The following DNER variants were observed in gnomAD, a reference collection of about 807,000 sequenced individuals.
DNER encodes delta/notch like EGF repeat containing.
DNER carries 33 observed loss-of-function variants against 78.2 expected under a neutral mutation model. That is an observed-to-expected ratio of 0.42 (90% CI 0.32 to 0.56). The LOEUF is 0.56. DNER is among the 20% of genes least tolerant of loss of function. The pLI, the probability that DNER is intolerant of heterozygous loss-of-function variation, is 0.11. For synonymous variants in DNER, 417 were observed against 384.8 expected (o/e 1.08, Z -0.98); for missense variants, 918 against 975.3 (o/e 0.94, Z 0.78).
intron 8 of DNER, among the ~76,000 whole-genome samples, chr2:229,443,221 G>A (rs1303450551): frequency 6.6e-6 from 1 of 152,184 alleles, no homozygotes. Flanking sequence ...CACAAGTTTA[G>A]AGTAATAACT....
At chr2:229,400,214 T>C (rs2106341139) in intron 10 of DNER, among the ~76,000 whole-genome samples, 1 of 151,222 alleles carries the variant, frequency 6.6e-6, no homozygotes, top group South Asian at 2.1e-4. Flanking sequence ...CAAACTAGAG[T>C]TGGAGACATC....
At chr2:229,523,132 C>T (rs562563320) in intron 5 of DNER, among the ~76,000 whole-genome samples, 1 of 152,256 alleles carries the variant, frequency 6.6e-6, no homozygotes, top group African/African-American at 2.4e-5. Context: ...GGGGTGACCC[C>T]CTAAGGCCTC....
At chr2:229,588,711 A>G (rs189335389) in intron 2 of DNER, among the ~76,000 whole-genome samples, 11 of 152,320 alleles carry the variant, frequency 7.2e-5, no homozygotes, top group Admixed American at 2.0e-4. Flanking sequence ...GCAATCTACA[A>G]ATTCCTGGGA....
intron 4 of DNER, among the ~76,000 whole-genome samples, chr2:229,567,982 C>T (rs1697143625): frequency 6.6e-6 from 1 of 152,158 alleles, no homozygotes; most frequent in Non-Finnish European, 1.5e-5. Flanking sequence ...TCCAAAATCC[C>T]AATCTGAGTG....
intron 10 of DNER, among the ~76,000 whole-genome samples, chr2:229,399,939 G>T (rs182333393): frequency 3.7e-4 from 57 of 152,066 alleles, no homozygotes; most frequent in Non-Finnish European, 5.5e-4. Context: ...AGGGGTCTGG[G>T]GGGGAGCTGA....
chr2:229,586,886 C>T lies in DNER; in HGVS notation c.681-862G>A, dbSNP rs2154214483. 3.0e-6 allele frequency: 3 copies of T among 985,514 alleles called. No homozygotes were observed. The South Asian group carries it at 1.4e-4, about 46-fold the overall frequency. 61.0% of individuals were successfully genotyped at this position (985,514 alleles called of 1,614,324 possible). On this transcript the variant is annotated intron_variant, in intron 3 of 12. Transcript: ENST00000341772. The stretch of plus-strand genomic sequence containing the variant: ...CAGGGCTCCTGGCGTGCAGCAGGGG[C>T]TCAGTAAAGCTTTGATCAGTGACTA...
intron 8 of DNER, among the ~76,000 whole-genome samples, chr2:229,438,906 G>A (rs1296906460): frequency 4.6e-5 from 7 of 152,146 alleles, no homozygotes; most frequent in Admixed American, 4.6e-4. Flanking sequence ...TACCCTTGGT[G>A]AGTCAAGGCC....
chr2:229,640,789 G>A (rs1226238664), intron 1 of DNER, among the ~76,000 whole-genome samples: 1 of 152,186 alleles, frequency 6.6e-6, no homozygotes. Context: ...TGAATATACA[G>A]CAGCATCAGT....
intron 1 of DNER, among the ~76,000 whole-genome samples, chr2:229,697,609 T>G (rs147157521): frequency 6.6e-6 from 1 of 152,372 alleles, no homozygotes; most frequent in African/African-American, 2.4e-5. Flanking sequence ...AGACTCTTTA[T>G]TAACTGTCTA....
rs113375672 is a variant in DNER at position 229,657,925 on chromosome 2, TA to T, written c.276+56222del. On this transcript the variant is annotated intron_variant, in intron 1 of 12. Transcript: ENST00000341772. ...CAAGGGAATTTCATGATCATTAATT[TA>T]AAAAAAAAACTGGTTCTTCCTTATA... is the stretch of plus-strand genomic sequence containing the variant. Among the ~76,000 whole-genome samples, 778 of 149,934 alleles carry T rather than the reference TA, an allele frequency of 5.2e-3. 7 individuals are homozygous for T. The highest frequency in any genetic ancestry group is 0.018 in the African/African-American group (737 of 41,024).
intron 4 of DNER, among the ~76,000 whole-genome samples, chr2:229,560,733 T>C (rs1001905992): frequency 3.3e-5 from 5 of 152,154 alleles, no homozygotes; most frequent in African/African-American, 1.2e-4. Flanking sequence ...AATTGCTCGA[T>C]GCTGAGAGCA....
chr2:229,648,614 G>A (rs1368720349), intron 1 of DNER, among the ~76,000 whole-genome samples: 1 of 152,044 alleles, frequency 6.6e-6, no homozygotes, highest in Non-Finnish European at 1.5e-5. Flanking sequence ...AAATGACTTC[G>A]ATATTTTAGA....
chr2:229,678,617 A>G (rs75099438), intron 1 of DNER, among the ~76,000 whole-genome samples: 3,434 of 152,232 alleles, frequency 0.023, 116 homozygotes, highest in African/African-American at 0.068. Context: ...CTAGACCAGT[A>G]TTTTTCCACC....
At chr2:229,605,328 G>A (rs924938758) in intron 1 of DNER, among the ~76,000 whole-genome samples, 5 of 152,114 alleles carry the variant, frequency 3.3e-5, no homozygotes, top group Non-Finnish European at 7.4e-5. Context: ...CTGCAGCTCT[G>A]TGGACACTAT....
At position 229,538,688 on chromosome 2, in the gene DNER, G is replaced by C. The variant is rs139140289; in HGVS notation, c.993+8259C>G. 9.2e-5 allele frequency among the ~76,000 whole-genome samples: 14 copies of C among 152,096 alleles called. No individual in the cohort carries two copies. The East Asian group carries it at 2.7e-3, about 29-fold the overall frequency. ...CTAACATAAGCATTATGTCACATAG[G>C]TATCATTTTTTGTGGTAATTTTGTA... is the stretch of plus-strand genomic sequence containing the variant. On this transcript the variant is annotated intron_variant, in intron 5 of 12. Coordinates refer to ENST00000341772, the MANE Select transcript of DNER (RefSeq NM_139072.4).
intron 5 of DNER, among the ~76,000 whole-genome samples, chr2:229,532,438 G>A (rs1696322837): frequency 6.6e-6 from 1 of 152,078 alleles, no homozygotes; most frequent in Admixed American, 6.6e-5. Flanking sequence ...TCCCACTCAG[G>A]TACCATCTCA....
chr2:229,524,244 G>A (rs1445111798), intron 5 of DNER, among the ~76,000 whole-genome samples: 2 of 152,300 alleles, frequency 1.3e-5, no homozygotes, highest in South Asian at 4.1e-4. Context: ...CTGAGATCTT[G>A]TTCCTGGGTC....
Position 229,654,117 on chromosome 2 carries a change from C to T in DNER, c.276+60031G>A, listed in dbSNP as rs143607359. 8.5e-3 allele frequency among the ~76,000 whole-genome samples: 1,297 copies of T among 152,160 alleles called. 23 individuals carry two copies. Among genetic ancestry groups the T allele is most frequent in the African/African-American group, 0.029 (1,199 of 41,480 alleles). ...ATCTCCCTAATGCTATCCCCCACTC[C>T]CCCCACCCCACCACATGCCCCGGTG... On this transcript the variant is annotated intron_variant, in intron 1 of 12. Transcript: ENST00000341772.
chr2:229,561,564 A>T lies in DNER; in HGVS notation c.848-14472T>A, dbSNP rs140936399. 3.1e-3 allele frequency among the ~76,000 whole-genome samples: 465 copies of T among 152,300 alleles called. 3 individuals are homozygous for T. The highest frequency in any genetic ancestry group is 0.01 in the African/African-American group (431 of 41,576). On this transcript the variant is annotated intron_variant, in intron 4 of 12. Transcript: ENST00000341772. ...CTTAAAGAGTGAACAAAAAAAAATT[A>T]TATTGAGAGTCCTTCCTAGACTGAC...
Sources: allele counts gnomAD v4.1 joint callset (sites outside exome capture counted in the v4.1 genomes callset), GRCh38; gene constraint gnomAD v4.1.1; transcripts MANE v1.5; gene names NCBI Gene and HGNC (gene_info 2026-07-23, HGNC 2026-07-21).